Variants in RAB33B observed in about 807,000 individuals in gnomAD.
RAB33B encodes the protein ras-related protein Rab-33B.
RAB33B carries 6 observed loss-of-function variants against 15.0 expected under a neutral mutation model. That is an observed-to-expected ratio of 0.40 (90% CI 0.22 to 0.79). The LOEUF (loss-of-function observed/expected upper bound fraction) is 0.79. Among genes scored for constraint, RAB33B ranks in the 30% least tolerant of loss-of-function variants. The pLI is 0.37. For synonymous variants in RAB33B, 117 were observed against 108.3 expected (o/e 1.08, Z -0.50); for missense variants, 257 against 296.4 (o/e 0.87, Z 0.98).
chr4:139,454,936 T>G (rs1168649245), intron 1 of RAB33B, among the ~76,000 whole-genome samples: 1 of 152,230 alleles, frequency 6.6e-6, no homozygotes, highest in South Asian at 2.1e-4. Flanking sequence ...GAGGAAGTAC[T>G]TAGGTATTCT....
At chr4:139,460,565 A>C (rs1750153429) in intron 1 of RAB33B, among the ~76,000 whole-genome samples, 1 of 152,226 alleles carries the variant, frequency 6.6e-6, no homozygotes, top group South Asian at 2.1e-4. Context: ...CTTATACCCT[A>C]CCTTAAAACA....
chr4:139,442,963 T>C, the RAB33B span, among the ~76,000 whole-genome samples: 3 of 151,998 alleles, frequency 2.0e-5, no homozygotes, highest in East Asian at 3.9e-4. Context: ...AGGACTCTAA[T>C]AGTATGGAGA....
chr4:139,463,786 GTC>G (rs1392846090), intron 1 of RAB33B, among the ~76,000 whole-genome samples: 1 of 152,188 alleles, frequency 6.6e-6, no homozygotes, highest in Non-Finnish European at 1.5e-5. Flanking sequence ...TATTGGCTGG[GTC>G]TCTCACTGCT....
chr4:139,468,645 T>C (rs920399153), intron 1 of RAB33B, among the ~76,000 whole-genome samples: 1 of 152,248 alleles, frequency 6.6e-6, no homozygotes, highest in Admixed American at 6.5e-5. Flanking sequence ...GTACTTATTA[T>C]TACCAGTGAA....
intron 1 of RAB33B, among the ~76,000 whole-genome samples, chr4:139,465,615 C>T (rs1442028130): frequency 6.6e-6 from 1 of 152,062 alleles, no homozygotes; most frequent in African/African-American, 2.4e-5. Context: ...TATGGCTGGC[C>T]AGTTTTCCCA....
chr4:139,466,176 T>C (rs1331741150), intron 1 of RAB33B, among the ~76,000 whole-genome samples: 1 of 152,204 alleles, frequency 6.6e-6, no homozygotes, highest in Non-Finnish European at 1.5e-5. Flanking sequence ...CCGCTTACAT[T>C]TGTGGAGGAC....
At chr4:139,461,072 A>C (rs1750163252) in intron 1 of RAB33B, among the ~76,000 whole-genome samples, 1 of 152,214 alleles carries the variant, frequency 6.6e-6, no homozygotes, top group East Asian at 1.9e-4. Context: ...AAATTAGTTT[A>C]AGCAGAAAGG....
intron 1 of RAB33B, among the ~76,000 whole-genome samples, chr4:139,471,730 A>G (rs1452955481): frequency 1.3e-5 from 2 of 152,090 alleles, no homozygotes; most frequent in Non-Finnish European, 2.9e-5. Context: ...TGGCTGCACA[A>G]ATATTTTTAA....
At chr4:139,459,769 G>A (rs1365490594) in intron 1 of RAB33B, among the ~76,000 whole-genome samples, 1 of 152,058 alleles carries the variant, frequency 6.6e-6, no homozygotes, top group Non-Finnish European at 1.5e-5. Flanking sequence ...AAGTAGCTGG[G>A]ATTACAGGCG....
intron 1 of RAB33B, among the ~76,000 whole-genome samples, chr4:139,455,233 A>G (rs1750044512): frequency 6.6e-6 from 1 of 152,234 alleles, no homozygotes; most frequent in African/African-American, 2.4e-5. Context: ...ATGAGGATCA[A>G]TGACAAGGCT....
the RAB33B span, among the ~76,000 whole-genome samples, chr4:139,439,771 T>C: frequency 6.6e-6 from 1 of 152,218 alleles, no homozygotes; most frequent in Non-Finnish European, 1.5e-5. Flanking sequence ...TCTCTTCAAG[T>C]TTTCTGACTC....
chr4:139,467,942 G>A (rs1430557552), intron 1 of RAB33B, among the ~76,000 whole-genome samples: 1 of 147,282 alleles, frequency 6.8e-6, no homozygotes, highest in East Asian at 2.0e-4. Flanking sequence ...TCAAATAGTA[G>A]GTCTTATTCA....
chr4:139,458,283 CTT>C (rs916308994), intron 1 of RAB33B, among the ~76,000 whole-genome samples: 1 of 149,026 alleles, frequency 6.7e-6, no homozygotes, highest in African/African-American at 2.5e-5. Flanking sequence ...GTCTCTCTCT[CTT>C]TTTTTTTTAA....
intron 1 of RAB33B, 149 bp from the exon 2 acceptor site, chr4:139,472,537 A>G: frequency 5.1e-6 from 3 of 586,232 alleles, no homozygotes; most frequent in Non-Finnish European, 8.7e-6. Flanking sequence ...TCTGGATCCC[A>G]TAGGTAACAC....
At chr4:139,445,387 A>C in the RAB33B span, among the ~76,000 whole-genome samples, 3 of 152,226 alleles carry the variant, frequency 2.0e-5, no homozygotes, top group Admixed American at 2.0e-4. Flanking sequence ...CATTATGCTG[A>C]TCGGATCCAG....
At position 139,465,933 on chromosome 4, in the gene RAB33B, G is replaced by A. The variant is rs1750276155; in HGVS notation, c.250-6753G>A. On this transcript the variant is annotated intron_variant, in intron 1 of 1. Transcript: ENST00000305626. The stretch of plus-strand genomic sequence containing the variant: ...TTAAGAGACGAGGTCTCACTGGTAG[G>A]AACAAAGTAGAGACAAGGTCTCACT... Among the ~76,000 whole-genome samples the A allele has an allele frequency of 2.7e-5, 4 of 147,914 alleles. No homozygotes were observed. The South Asian group carries it at 8.5e-4, about 31-fold the overall frequency.
At chr4:139,451,854 C>T (rs940827519), upstream of RAB33B, 1 of 152,256 alleles carries the variant, frequency 6.6e-6, no homozygotes, top group Non-Finnish European at 1.5e-5. Flanking sequence ...TACATGTTCA[C>T]ACTTTGAGGC....
rs35198504 is a variant in RAB33B, at chr4:139,467,277, C to T, written c.250-5409C>T. ...AGCCACTGTGCCTGGCCTTCCGCCG[C>T]GCACCTCTTTCCCCACCACGCCCCC... On this transcript the variant is annotated intron_variant, in intron 1 of 1. Coordinates refer to ENST00000305626, the MANE Select transcript of RAB33B (RefSeq NM_031296.3). Among the ~76,000 whole-genome samples the T allele has an allele frequency of 4.9e-5, 7 of 142,262 alleles. No individual in the cohort carries two copies. In the East Asian group the frequency reaches 6.2e-4, roughly 13 times the overall value. 93.3% of individuals were successfully genotyped at this position (142,262 alleles called of 152,430 possible).
upstream of RAB33B, chr4:139,454,104 TG>T: frequency 2.1e-6 from 3 of 1,445,056 alleles, no homozygotes; most frequent in Admixed American, 7.2e-5. Flanking sequence ...GCAGCCGAAC[TG>T]GCCGGCTGGG....
Sources: allele counts gnomAD v4.1 joint callset (sites outside exome capture counted in the v4.1 genomes callset), GRCh38; gene constraint gnomAD v4.1.1; transcripts MANE v1.5; gene names NCBI Gene and HGNC (gene_info 2026-07-23, HGNC 2026-07-21).